The following TVP23A variants were observed in gnomAD, a reference collection of about 807,000 sequenced individuals.
TVP23A encodes Golgi apparatus membrane protein TVP23 homolog A.
In TVP23A, 21 loss-of-function variants were observed where a neutral mutation model predicts 31.7. The ratio of observed to expected loss-of-function variants is 0.66; its 90% confidence interval spans 0.47 to 0.95. The LOEUF is 0.95. TVP23A is among the 40% of genes least tolerant of loss of function. The pLI, the probability that TVP23A is intolerant of heterozygous loss-of-function variation, is 0.00. For missense variants in TVP23A, 279 were observed against 255.6 expected (o/e 1.09, Z -0.62); for synonymous variants, 104 against 96.0 (o/e 1.08, Z -0.49).
intron 2 of TVP23A, chr16:10,775,694 A>T (rs1409528125): frequency 4.1e-6 from 1 of 245,500 alleles, no homozygotes. Flanking sequence ...CTGGCCAGAA[A>T]GAAGAGAGGG....
rs1407915664 is a variant in TVP23A, at chr16:10,777,610, G to A, written c.90-2514C>T. Among the ~76,000 whole-genome samples the A allele has an allele frequency of 6.6e-6, 1 of 152,192 alleles. No homozygotes were observed. The highest frequency in any genetic ancestry group is 6.6e-5 in the Admixed American group (1 of 15,260). ...CACAGTGACTTTTTTGCGTAGCAAA[G>A]CACCAACTATTCACCAGGATGGGTC... On this transcript the variant is annotated intron_variant, in intron 2 of 7. Transcript: ENST00000299866. This position sits in a 1 kb window ranked among gnomAD's most constrained non-coding sequence, Gnocchi z 4.5.
At chr16:10,774,832 C>T in intron 3 of TVP23A, 120 bp downstream of exon 3, 2 of 814,652 alleles carry the variant, frequency 2.5e-6, no homozygotes, top group Admixed American at 2.9e-5. Context: ...TTTTAAGTGA[C>T]ACTGCTCAGC....
At chr16:10,771,575 G>C in intron 6 of TVP23A, 95 bp downstream of exon 6, 1 of 1,467,894 alleles carries the variant, frequency 6.8e-7, no homozygotes, top group Non-Finnish European at 9.4e-7. Flanking sequence ...CAGCCTGGCG[G>C]ATATGTTACA....
intron 2 of TVP23A, among the ~76,000 whole-genome samples, chr16:10,795,425 A>G (rs2033335436): frequency 6.6e-6 from 1 of 151,728 alleles, no homozygotes; most frequent in Admixed American, 6.6e-5. Context: ...TAATTTTTGC[A>G]TTTTTGGAAG....
chr16:10,783,628 A>G (rs1289096465), intron 2 of TVP23A, among the ~76,000 whole-genome samples: 1 of 152,172 alleles, frequency 6.6e-6, no homozygotes, highest in African/African-American at 2.4e-5. Flanking sequence ...GTGAGCCAAG[A>G]TCGCACCACT....
intron 2 of TVP23A, among the ~76,000 whole-genome samples, chr16:10,813,176 A>G (rs185926159): frequency 4.4e-4 from 67 of 152,328 alleles, no homozygotes; most frequent in Middle Eastern, 3.4e-3. Context: ...TAGTAAATAA[A>G]CTGTATAATA....
chr16:10,784,592 G>T (rs1181614535), intron 2 of TVP23A, among the ~76,000 whole-genome samples: 1 of 149,274 alleles, frequency 6.7e-6, no homozygotes, highest in Non-Finnish European at 1.5e-5. Flanking sequence ...AAGAAAGAAA[G>T]AAAAAAAAAC....
intron 2 of TVP23A, among the ~76,000 whole-genome samples, chr16:10,799,051 C>T (rs1244472616): frequency 6.6e-6 from 1 of 152,194 alleles, no homozygotes; most frequent in Non-Finnish European, 1.5e-5. Context: ...TTGAGAGGCC[C>T]ACATGGCAAG....
downstream of TVP23A, among the ~76,000 whole-genome samples, chr16:10,762,969 G>A (rs1327642741): frequency 1.3e-5 from 2 of 151,770 alleles, no homozygotes; most frequent in African/African-American, 4.8e-5. Context: ...AGGAGTGGCT[G>A]CCCTGGGATA....
At chr16:10,783,722 G>A (rs2032564400) in intron 2 of TVP23A, among the ~76,000 whole-genome samples, 1 of 152,000 alleles carries the variant, frequency 6.6e-6, no homozygotes, top group Non-Finnish European at 1.5e-5. Flanking sequence ...ATAAACCATG[G>A]TACATCCAGA....
chr16:10,816,857 A>G (rs139058876), intron 2 of TVP23A, among the ~76,000 whole-genome samples: 2 of 152,004 alleles, frequency 1.3e-5, no homozygotes, highest in African/African-American at 4.8e-5. Context: ...CATGTACCCT[A>G]AAACTTAAAG....
chr16:10,789,173 G>A (rs2032948685), intron 2 of TVP23A, among the ~76,000 whole-genome samples: 1 of 152,168 alleles, frequency 6.6e-6, no homozygotes, highest in Admixed American at 6.5e-5. Context: ...CTGGTAGCCA[G>A]CTTCAGAGAG....
intron 2 of TVP23A, among the ~76,000 whole-genome samples, chr16:10,776,244 G>A (rs1035889365): frequency 2.0e-5 from 3 of 151,602 alleles, no homozygotes; most frequent in East Asian, 2.0e-4. Context: ...GCATGGTGGC[G>A]GCTGCCTGTA....
At chr16:10,774,898 CAG>C (rs948037361) in intron 3 of TVP23A, 52 bp downstream of exon 3, 4 of 1,543,240 alleles carry the variant, frequency 2.6e-6, no homozygotes, top group Admixed American at 1.8e-5. Context: ...ACCACGCACA[CAG>C]GGGACAAGCC....
At chr16:10,784,435 C>G (rs1030417229) in intron 2 of TVP23A, among the ~76,000 whole-genome samples, 2 of 151,246 alleles carry the variant, frequency 1.3e-5, no homozygotes, top group African/African-American at 4.9e-5. Context: ...GTGGCACACG[C>G]CTACAGTCTC....
intron 2 of TVP23A, among the ~76,000 whole-genome samples, chr16:10,803,939 A>G (rs2033826866): frequency 6.6e-6 from 1 of 152,238 alleles, no homozygotes; most frequent in South Asian, 2.1e-4. Context: ...CAATGAATTA[A>G]ATAATTTAAA....
downstream of TVP23A, among the ~76,000 whole-genome samples, chr16:10,763,110 C>T (rs146931760): frequency 3.4e-3 from 516 of 152,034 alleles, 2 homozygotes; most frequent in African/African-American, 0.012. Flanking sequence ...GAGGAGGGTC[C>T]GTCCCTCAGA....
chr16:10,793,375 G>T (rs1321690362), intron 2 of TVP23A, among the ~76,000 whole-genome samples: 1 of 152,162 alleles, frequency 6.6e-6, no homozygotes, highest in South Asian at 2.1e-4. Context: ...CAAGTTGGGG[G>T]GGTGCCTCTG....
chr16:10,792,257 C>T (rs1178691195), intron 2 of TVP23A, among the ~76,000 whole-genome samples: 13 of 152,272 alleles, frequency 8.5e-5, no homozygotes, highest in East Asian at 1.9e-4. Context: ...CTTCTTGGCA[C>T]GAGACAATGA....
Sources: gnomAD v4.1 joint callset for allele counts (sites outside exome capture counted in the v4.1 genomes callset) on GRCh38, gnomAD v4.1.1 for gene constraint, Gnocchi (gnomAD v3.1) non-coding constraint, MANE v1.5 for transcripts, NCBI Gene and HGNC (gene_info 2026-07-23, HGNC 2026-07-21) for gene names.